Variants in OPHN1 observed in about 807,000 individuals in gnomAD.
OPHN1 encodes oligophrenin 1.
OPHN1 carries 11 observed loss-of-function variants against 60.7 expected under a neutral mutation model. The ratio of observed to expected loss-of-function variants is 0.18; its 90% CI spans 0.11 to 0.30. The LOEUF is 0.30. OPHN1 is among the 10% of genes least tolerant of loss of function. OPHN1 has a pLI of 1.00. For synonymous variants in OPHN1, 226 were observed against 222.6 expected (o/e 1.02, Z -0.14); for missense variants, 449 against 611.0 (o/e 0.73, Z 2.80).
At chrX:68,130,449 C>G (rs1247175622) in intron 15 of OPHN1, among the ~76,000 whole-genome samples, 2 of 111,652 alleles carry the variant, frequency 1.8e-5, no homozygotes, top group Non-Finnish European at 3.8e-5. Flanking sequence ...GTGGAATTAA[C>G]TTATGCACAA....
intron 17 of OPHN1, chrX:68,112,389 A>G (rs1356211628): frequency 8.3e-6 from 1 of 120,796 alleles, no homozygotes; most frequent in African/African-American, 3.2e-5. Context: ...AGTCTCACAG[A>G]TAAACTTCCA....
chrX:68,269,899 A>T (rs1167722899), intron 5 of OPHN1, among the ~76,000 whole-genome samples: 1 of 112,056 alleles, frequency 8.9e-6, no homozygotes, highest in African/African-American at 3.2e-5. Context: ...CAAGAAAAAA[A>T]CAAACAACCC....
intron 20 of OPHN1, among the ~76,000 whole-genome samples, chrX:68,065,150 A>T (rs1448200239): frequency 1.8e-5 from 2 of 111,900 alleles, no homozygotes; most frequent in East Asian, 2.8e-4. Flanking sequence ...ATAATAATAA[A>T]AAAAAAGAAC....
At chrX:68,404,164 CT>C (rs778696367) in intron 2 of OPHN1, among the ~76,000 whole-genome samples, 275 of 100,641 alleles carry the variant, frequency 2.7e-3, no homozygotes, top group Middle Eastern at 0.01. Context: ...TTCCTAAAAA[CT>C]TTTTTTTTTT....
intron 21 of OPHN1, among the ~76,000 whole-genome samples, chrX:68,063,651 C>G (rs1053288163): frequency 2.7e-5 from 3 of 112,220 alleles, no homozygotes; most frequent in Non-Finnish European, 5.6e-5. Flanking sequence ...GTCAACAAAA[C>G]AGGTAAAAAA....
At chrX:68,081,282 A>G (rs1341191146) in intron 19 of OPHN1, among the ~76,000 whole-genome samples, 9 of 111,879 alleles carry the variant, frequency 8.0e-5, no homozygotes, top group Non-Finnish European at 3.8e-5. Context: ...AGTAGAGGTC[A>G]AAGAGTCAGG....
chrX:68,400,213 G>A (rs1779113238), intron 2 of OPHN1, among the ~76,000 whole-genome samples: 1 of 111,664 alleles, frequency 9.0e-6, no homozygotes, highest in African/African-American at 3.3e-5. Flanking sequence ...ACACTGTGGA[G>A]TATATTTTTG....
intron 5 of OPHN1, among the ~76,000 whole-genome samples, chrX:68,265,400 C>T (rs1379330447): frequency 1.8e-5 from 2 of 111,931 alleles, no homozygotes; most frequent in African/African-American, 6.5e-5. Flanking sequence ...ACCTCTGCTG[C>T]CGAAACCAGG....
intron 15 of OPHN1, among the ~76,000 whole-genome samples, chrX:68,153,899 C>T (rs942631302): frequency 4.5e-5 from 5 of 111,476 alleles, no homozygotes; most frequent in Non-Finnish European, 9.4e-5. Flanking sequence ...TATTTTGTTT[C>T]TATTACCATT....
intron 23 of OPHN1, among the ~76,000 whole-genome samples, chrX:68,048,750 C>T (rs1433409668): frequency 8.9e-6 from 1 of 112,170 alleles, no homozygotes; most frequent in Non-Finnish European, 1.9e-5. Context: ...CCACGAACTA[C>T]ATTCTGTGAT....
chrX:68,377,658 C>T (rs1244881086), intron 2 of OPHN1, among the ~76,000 whole-genome samples: 4 of 108,497 alleles, frequency 3.7e-5, no homozygotes, highest in African/African-American at 1.3e-4. Flanking sequence ...TCAATTCCCA[C>T]CTACGAGTGA....
intron 6 of OPHN1, among the ~76,000 whole-genome samples, chrX:68,222,892 C>CAATGA (rs2077669388): frequency 1.1e-5 from 1 of 95,061 alleles, no homozygotes; most frequent in Non-Finnish European, 2.1e-5. Flanking sequence ...CTAACCTGCA[C>CAATGA]AATGTGCACA....
intron 19 of OPHN1, among the ~76,000 whole-genome samples, chrX:68,089,094 T>C (rs2077006528): frequency 9.0e-6 from 1 of 111,351 alleles, no homozygotes; most frequent in African/African-American, 3.3e-5. Context: ...TCCTGTTTTC[T>C]GAAATTCCTA....
chrX:68,191,102 C>T (rs1384744803), intron 15 of OPHN1, among the ~76,000 whole-genome samples: 1 of 111,630 alleles, frequency 9.0e-6, no homozygotes, highest in Non-Finnish European at 1.9e-5. Flanking sequence ...CTGCAGTTTT[C>T]CACACTCAAT....
chrX:68,145,794 T>G (rs1347420769), intron 15 of OPHN1, among the ~76,000 whole-genome samples: 2 of 112,255 alleles, frequency 1.8e-5, no homozygotes, highest in Non-Finnish European at 3.8e-5. Flanking sequence ...ACAGCTCACT[T>G]TGTTTAGTCA....
chrX:68,310,216 A>G (rs2078166372), intron 2 of OPHN1, among the ~76,000 whole-genome samples: 1 of 111,413 alleles, frequency 9.0e-6, no homozygotes, highest in Non-Finnish European at 1.9e-5. Context: ...AAGGGACATT[A>G]CTTAGGAGCT....
chrX:68,380,019 T>C (rs1343646530), intron 2 of OPHN1, among the ~76,000 whole-genome samples: 1 of 111,091 alleles, frequency 9.0e-6, no homozygotes, highest in African/African-American at 3.3e-5. Flanking sequence ...TTCCTCCTTG[T>C]ACCTCTGGTA....
At chrX:68,066,555 A>T (rs2076913907) in intron 20 of OPHN1, among the ~76,000 whole-genome samples, 1 of 111,652 alleles carries the variant, frequency 9.0e-6, no homozygotes, top group Non-Finnish European at 1.9e-5. Context: ...GTGAATAAAA[A>T]TAATGATAAT....
At chrX:68,206,435 G>C in intron 10 of OPHN1, 138 bp downstream of exon 10, 1 of 516,719 alleles carries the variant, frequency 1.9e-6, no homozygotes, top group Non-Finnish European at 3.4e-6. Flanking sequence ...CTCAAACTTA[G>C]GCCAAGGTGT....
Sources: allele counts gnomAD v4.1 joint callset (sites outside exome capture counted in the v4.1 genomes callset), GRCh38; gene constraint gnomAD v4.1.1; transcripts MANE v1.5; gene names NCBI Gene and HGNC (gene_info 2026-07-23, HGNC 2026-07-21).